STK11IP: variants seen among roughly 807,000 people sequenced by gnomAD.
STK11IP encodes serine/threonine-protein kinase 11-interacting protein.
Under a neutral mutation model 131.7 loss-of-function variants are expected in STK11IP, and 103 were observed. The ratio of observed to expected loss-of-function variants is 0.78; its 90% CI spans 0.67 to 0.92. STK11IP has a LOEUF of 0.92. Ranked by LOEUF, STK11IP falls within the 40% of genes least tolerant of loss-of-function variation. The probability of loss-of-function intolerance (pLI) is 0.00; values close to 1 mark genes in which losing one functional copy is unlikely to be tolerated. For synonymous variants in STK11IP, 557 were observed against 575.6 expected (o/e 0.97, Z 0.46); for missense variants, 1,315 against 1,385.7 (o/e 0.95, Z 0.81).
rs909530135 is a variant in STK11IP, at chr2:219,600,764, A to G, written c.62-471A>G. ...GATGTGCTTTGCAATCAGAAAAAGA[A>G]AGAAAGATAAAACTTCCAATTAACT... On this transcript the variant is annotated intron_variant, in intron 2 of 24. Transcript: ENST00000456909. 3.3e-5 allele frequency among the ~76,000 whole-genome samples: 5 copies of G among 152,270 alleles called. No individual in the cohort carries two copies. In the South Asian group the frequency reaches 8.3e-4, roughly 25 times the overall value.
Position 219,614,548 on chromosome 2 carries a change from T to C in STK11IP, c.2869+2T>C. Reference sequence around the variant, plus strand: ...ACCTTCGGGCGTTCCTGGTTGAAGGTGAAGCCTCTGTGCAGCTGATGCTTC... The same window carrying C: ...ACCTTCGGGCGTTCCTGGTTGAAGGCGAAGCCTCTGTGCAGCTGATGCTTC... On this transcript the variant is annotated splice_donor_variant, in intron 23 of 24. Coordinates refer to ENST00000456909, the MANE Select transcript of STK11IP (RefSeq NM_052902.4). LOFTEE classifies it high-confidence loss of function. 1 of 1,613,780 alleles carries C rather than the reference T, an allele frequency of 6.2e-7. No homozygotes were observed. Among genetic ancestry groups the C allele is most frequent in the Non-Finnish European group, 8.5e-7 (1 of 1,179,860 alleles).
chr2:219,609,038 C>T, intron 15 of STK11IP, 59 bp from the exon 16 acceptor site: 1 of 1,341,608 alleles, frequency 7.5e-7, no homozygotes, highest in Non-Finnish European at 1.0e-6. Flanking sequence ...TCAGCATCCC[C>T]TCATCCCTCT....
Position 219,608,162 on chromosome 2 carries a change from G to A in STK11IP, c.1335G>A (p.Pro445=), listed in dbSNP as rs200840679. Residue 445 remains proline, a synonymous_variant, in exon 14 of 25, where the codon CCG becomes CCA. Transcript: ENST00000456909. ...TGGAGCCCTCCGGAAACCCTCTGCC[G>A]GCCACCCCCACTACTTCTGCACCCA... is the stretch of plus-strand genomic sequence containing the variant. ...SHLEPSGNPL[P]ATPTTSAPSA... is the part of the protein sequence containing the mutation. 13 of 1,613,540 alleles carry A rather than the reference G, an allele frequency of 8.1e-6. No homozygotes were observed. The East Asian group carries it at 8.9e-5, about 11-fold the overall frequency.
chr2:219,602,835 C>T, intron 7 of STK11IP, 59 bp downstream of exon 7: 6 of 1,513,656 alleles, frequency 4.0e-6, no homozygotes, highest in Admixed American at 3.5e-5. Flanking sequence ...TCTGCTCTCA[C>T]TCTCTCTCCT....
intron 24 of STK11IP, 46 bp from the exon 25 acceptor site, chr2:219,615,998 G>C (rs768159839): frequency 6.2e-7 from 1 of 1,602,890 alleles, no homozygotes; most frequent in Non-Finnish European, 8.5e-7. Context: ...ACCCACCCTG[G>C]TGTGGTCCCC....
chr2:219,607,532 G>C (rs1335777403), intron 13 of STK11IP, among the ~76,000 whole-genome samples: 2 of 151,848 alleles, frequency 1.3e-5, no homozygotes, highest in Non-Finnish European at 2.9e-5. Context: ...GGTGGTGTGC[G>C]CCTGTAGTCC....
chr2:219,608,460 A>C, intron 14 of STK11IP, 30 bp downstream of exon 14: 1 of 1,535,210 alleles, frequency 6.5e-7, no homozygotes, highest in East Asian at 2.3e-5. Flanking sequence ...GGGCGAGCTG[A>C]GGCCAGGGGC....
chr2:219,609,503 C>T lies in STK11IP; in HGVS notation c.2067C>T (p.Asp689=). The T allele has an allele frequency of 8.2e-6, 13 of 1,592,330 alleles. No homozygotes were observed. Among genetic ancestry groups the T allele is most frequent in the Non-Finnish European group, 9.4e-6 (11 of 1,169,034 alleles). Residue 689 remains aspartate, a synonymous_variant, in exon 17 of 25, where the codon GAC becomes GAT. Transcript: ENST00000456909. ...CAGAGGAGCCCAGGATGGGATTAGA[C>T]AGTGAGGAAGGCTGGAGGCCTCTGT... ...FKPEEPRMGL[D]SEEGWRPLFQ... is the part of the protein sequence containing the mutation.
chr2:219,616,316 G>A lies in STK11IP; in HGVS notation c.*123G>A, dbSNP rs980067499. The A allele has an allele frequency of 3.8e-6, 5 of 1,320,688 alleles. No individual in the cohort carries two copies. Among genetic ancestry groups the A allele is most frequent in the Non-Finnish European group, 5.1e-6 (5 of 981,964 alleles). 81.8% of individuals were successfully genotyped at this position (1,320,688 alleles called of 1,614,324 possible). On this transcript the variant is annotated 3_prime_UTR_variant, in exon 25 of 25. Coordinates refer to ENST00000456909, the MANE Select transcript of STK11IP (RefSeq NM_052902.4). ...GTCTTCAGCCTCTGGGTGCTGGCCA[G>A]TGAGGTCCCAAATGACCCAGGGCTT...
chr2:219,605,450 C>G (rs1698119087), intron 7 of STK11IP, 158 bp from the exon 8 acceptor site: 2 of 681,928 alleles, frequency 2.9e-6, no homozygotes, highest in Middle Eastern at 3.6e-4. Context: ...TTGTTCAAGT[C>G]TTTTAACGTG....
In STK11IP at chr2:219,614,165, C is replaced by T. The variant is rs746923605; in HGVS notation, c.2721C>T (p.Val907=). 13 of 1,613,370 alleles carry T rather than the reference C, an allele frequency of 8.1e-6. No homozygotes were observed. Among genetic ancestry groups the T allele is most frequent in the African/African-American group, 8.0e-5 (6 of 74,890 alleles). ...CRAFLEELLD[V]LQSLPPAWRN... ...CCCTGGCCTGCCTCTGTCTAGATGT[C>T]TTGCAGTCTCTGCCCCCTGCCTGGA... Residue 907 remains valine (V), a synonymous_variant, in exon 22 of 25, where the codon GTC becomes GTT. Transcript: ENST00000456909.
intron 12 of STK11IP, 71 bp downstream of exon 12, chr2:219,606,929 CA>C: frequency 6.3e-7 from 1 of 1,583,562 alleles, no homozygotes; most frequent in Non-Finnish European, 8.6e-7. Flanking sequence ...CTACAGTGGG[CA>C]GGGAATGGTA....
Position 219,615,983 on chromosome 2 carries a change from C to A in STK11IP, c.3118-61C>A, listed in dbSNP as rs2106170532. The A allele has an allele frequency of 3.1e-6, 5 of 1,590,944 alleles. No individual in the cohort carries two copies. The East Asian group carries it at 1.1e-4, about 36-fold the overall frequency. On this transcript the variant is annotated intron_variant, in intron 24 of 24. Coordinates refer to ENST00000456909, the MANE Select transcript of STK11IP (RefSeq NM_052902.4). ...CAGTGAGGCCTTCGCAGAGACCTCC[C>A]TTGTACCCACCCTGGTGTGGTCCCC...
At chr2:219,609,027 C>T (rs755328622) in intron 15 of STK11IP, 70 bp from the exon 16 acceptor site, 104 of 1,268,256 alleles carry the variant, frequency 8.2e-5, no homozygotes, top group Non-Finnish European at 1.1e-4. Context: ...CCTCCATGCT[C>T]TCAGCATCCC....
chr2:219,615,069 A>G (rs916378870), intron 23 of STK11IP, 25 bp from the exon 24 acceptor site: 1 of 1,600,072 alleles, frequency 6.2e-7, no homozygotes, highest in Admixed American at 1.7e-5. Context: ...ATGACCTTCC[A>G]CACTGGATGC....
intron 7 of STK11IP, among the ~76,000 whole-genome samples, chr2:219,604,740 G>T (rs924649528): frequency 6.6e-6 from 1 of 152,104 alleles, no homozygotes; most frequent in African/African-American, 2.4e-5. Context: ...TAGTTTGAAT[G>T]TTTGTGGTGA....
chr2:219,603,123 C>T (rs1698045387), intron 7 of STK11IP, among the ~76,000 whole-genome samples: 1 of 147,766 alleles, frequency 6.8e-6, no homozygotes, highest in Non-Finnish European at 1.5e-5. Flanking sequence ...CTCACTGCAA[C>T]CTCTGCCTCC....
At position 219,613,929 on chromosome 2, in the gene STK11IP, T is replaced by C; in HGVS notation, c.2715T>C (p.Leu905=). 1.3e-6 allele frequency: 1 copy of C among 756,798 alleles called. No homozygotes were observed. The highest frequency in any genetic ancestry group is 6.6e-5 in the East Asian group (1 of 15,102). 46.9% of individuals were successfully genotyped at this position (756,798 alleles called of 1,614,324 possible). Residue 905 remains leucine (L), a splice_region_variant and synonymous_variant, in exon 21 of 25, where the codon CTT becomes CTC. Transcript: ENST00000456909. The part of the protein sequence containing the change: ...RHCRAFLEEL[L]DVLQSLPPAW... The stretch of plus-strand genomic sequence containing the variant: ...GCCGGGCCTTCCTAGAGGAGCTCCT[T>C]GGTGAGAGAGGGGAGGGGAAGGCAG...
rs552536155 is a variant in STK11IP at position 219,613,843 on chromosome 2, C to A, written c.2629C>A (p.Arg877=). The change falls in exon 21 of 25, where the codon CGG becomes AGG. Residue 877 remains arginine (R), a synonymous_variant. Transcript: ENST00000456909. ...GCTGGGCCTGGCAGGCCAGAGCCTG[C>A]GGCTAGAGTGGGCAGCTGGGGCGGG... ...IELGLAGQSL[R]LEWAAGAGRC... 6.2e-7 allele frequency: 1 copy of A among 1,611,970 alleles called. No individual in the cohort carries two copies. Among genetic ancestry groups the A allele is most frequent in the African/African-American group, 1.3e-5 (1 of 74,854 alleles).
Sources: allele counts gnomAD v4.1 joint callset (sites outside exome capture counted in the v4.1 genomes callset), GRCh38; gene constraint gnomAD v4.1.1; transcripts MANE v1.5; gene names NCBI Gene and HGNC (gene_info 2026-07-23, HGNC 2026-07-21).